Variants in EGFR observed in about 807,000 individuals in gnomAD.
The protein encoded by EGFR is epidermal growth factor receptor, also known as avian erythroblastic leukemia viral (v-erb-b) oncogene homolog.
EGFR carries 58 observed loss-of-function variants against 143.0 expected under a neutral mutation model. The observed-to-expected ratio is 0.41, with a 90% CI of 0.33 to 0.50. The LOEUF (loss-of-function observed/expected upper bound fraction) is 0.50, where lower values mean the gene tolerates loss of function less well. EGFR is among the 20% of genes least tolerant of loss of function. EGFR has a pLI of 0.39. For synonymous variants in EGFR, 613 were observed against 594.4 expected (o/e 1.03, Z -0.45); for missense variants, 1,307 against 1,579.0 (o/e 0.83, Z 2.92).
At chr7:55,066,975 C>T (rs1310270247) in intron 1 of EGFR, among the ~76,000 whole-genome samples, 2 of 152,188 alleles carry the variant, frequency 1.3e-5, no homozygotes, top group South Asian at 2.1e-4. Context: ...GGGAGGCAGG[C>T]GTCCTTGCCA....
chr7:55,107,044 C>T (rs1241141627), intron 1 of EGFR, among the ~76,000 whole-genome samples: 1 of 152,112 alleles, frequency 6.6e-6, no homozygotes, highest in Non-Finnish European at 1.5e-5. Flanking sequence ...GTTTGTTTTG[C>T]CCATAAATAA....
chr7:55,174,069 G>C (rs2128953839), intron 18 of EGFR, 26 bp downstream of exon 18: 2 of 1,614,074 alleles, frequency 1.2e-6, no homozygotes, highest in South Asian at 2.2e-5. Context: ...CAGGCCTCTG[G>C]GCTGGGCCGC....
At chr7:55,054,851 AG>A (rs1343694532) in intron 1 of EGFR, among the ~76,000 whole-genome samples, 4 of 152,196 alleles carry the variant, frequency 2.6e-5, no homozygotes, top group Non-Finnish European at 5.9e-5. Context: ...TTGTGGCTAC[AG>A]GTCCCCGTGA....
intron 1 of EGFR, among the ~76,000 whole-genome samples, chr7:55,064,394 G>A (rs1200877946): frequency 6.6e-6 from 1 of 152,188 alleles, no homozygotes; most frequent in Non-Finnish European, 1.5e-5. Flanking sequence ...TCTCAGAGCA[G>A]CTTGTGTTGC....
rs2128942934 is a variant in EGFR, at chr7:55,161,581, G to A, written c.1581G>A (p.Arg527=). The change falls in exon 13 of 28, where the codon CGG becomes CGA. Residue 527 remains arginine, a synonymous_variant. Transcript: ENST00000275493. The part of the protein sequence containing the change: ...GPEPRDCVSC[R]NVSRGRECVD... Reference sequence around the variant, plus strand: ...AGCCCAGGGACTGCGTCTCTTGCCGGAATGTCAGCCGAGGCAGGGAATGCG... The same window carrying A: ...AGCCCAGGGACTGCGTCTCTTGCCGAAATGTCAGCCGAGGCAGGGAATGCG... 1 of 1,614,288 alleles carries A rather than the reference G, an allele frequency of 6.2e-7. No homozygotes were observed. The highest frequency in any genetic ancestry group is 8.5e-7 in the Non-Finnish European group (1 of 1,180,048).
intron 1 of EGFR, among the ~76,000 whole-genome samples, chr7:55,107,904 A>C (rs761433262): frequency 6.6e-6 from 1 of 152,256 alleles, no homozygotes; most frequent in Non-Finnish European, 1.5e-5. Context: ...AAATGGTACT[A>C]TACTATGTAT....
intron 15 of EGFR, among the ~76,000 whole-genome samples, chr7:55,167,784 C>T (rs187450500): frequency 4.3e-4 from 66 of 152,246 alleles, no homozygotes; most frequent in African/African-American, 1.5e-3. Context: ...TCTAGGAAAA[C>T]AATCATATAA....
chr7:55,179,214 T>C (rs1235326480), intron 19 of EGFR, among the ~76,000 whole-genome samples: 1 of 152,242 alleles, frequency 6.6e-6, no homozygotes, highest in African/African-American at 2.4e-5. Flanking sequence ...GTACAGATTA[T>C]GATGACTGCC....
At chr7:55,173,193 A>G (rs2128952872) in intron 17 of EGFR, 69 bp downstream of exon 17, 1 of 1,590,234 alleles carries the variant, frequency 6.3e-7, no homozygotes, top group Non-Finnish European at 8.5e-7. Context: ...AGCCCCGAGA[A>G]CGGGCCATTA....
At chr7:55,154,189 C>T (rs371133904) in intron 7 of EGFR, 37 bp downstream of exon 7, 56 of 1,613,998 alleles carry the variant, frequency 3.5e-5, no homozygotes, top group Non-Finnish European at 4.6e-5. Flanking sequence ...ACTGGTCAGG[C>T]ATCCTTGTCC....
chr7:55,203,514 C>T (rs1215829718), intron 27 of EGFR, among the ~76,000 whole-genome samples: 1 of 148,426 alleles, frequency 6.7e-6, no homozygotes, highest in South Asian at 2.2e-4. Context: ...ACTACACACA[C>T]CATTACATAC....
At chr7:55,156,692 AAAAC>A in intron 9 of EGFR, 33 bp downstream of exon 9, 1 of 1,614,238 alleles carries the variant, frequency 6.2e-7, no homozygotes, top group Non-Finnish European at 8.5e-7. Context: ...TGTATAAAGA[AAAAC>A]AAAATCTGCC....
intron 15 of EGFR, among the ~76,000 whole-genome samples, chr7:55,167,216 T>G (rs1407861704): frequency 1.2e-5 from 1 of 81,534 alleles, no homozygotes; most frequent in Admixed American, 1.3e-4. Context: ...CACAATGGTG[T>G]CGGTGGTGAT....
At chr7:55,143,902 G>C (rs1209992985) in intron 3 of EGFR, among the ~76,000 whole-genome samples, 1 of 152,144 alleles carries the variant, frequency 6.6e-6, no homozygotes, top group East Asian at 1.9e-4. Flanking sequence ...GGACAGTTTC[G>C]AGAGTCGCGC....
chr7:55,100,780 C>T (rs1202522406), intron 1 of EGFR, among the ~76,000 whole-genome samples: 1 of 152,244 alleles, frequency 6.6e-6, no homozygotes, highest in African/African-American at 2.4e-5. Context: ...GCTGCCAAGC[C>T]TCACGTCACA....
Position 55,191,855 on chromosome 7 carries a change from A to G in EGFR, c.2606A>G (p.Tyr869Cys), listed in dbSNP as rs1440961719. ...CTGCTGGGTGCGGAAGAGAAAGAAT[A>G]CCATGCAGAAGGAGGCAAAGTAAGG... ...AKLLGAEEKE[Y>C]HAEGGKVPIK... is the part of the protein sequence containing the mutation. Residue 869 changes from tyrosine to cysteine, a missense_variant, in exon 21 of 28, where the codon TAC (tyrosine) becomes TGC (cysteine). Transcript: ENST00000275493. The G allele has an allele frequency of 6.2e-7, 1 of 1,613,830 alleles. No individual in the cohort carries two copies. Among genetic ancestry groups the G allele is most frequent in the East Asian group, 2.2e-5 (1 of 44,864 alleles).
intron 6 of EGFR, among the ~76,000 whole-genome samples, chr7:55,153,387 A>G (rs1351448004): frequency 6.6e-6 from 1 of 152,196 alleles, no homozygotes; most frequent in African/African-American, 2.4e-5. Context: ...AGCTGGTGTG[A>G]CGAAGCCCTT....
intron 3 of EGFR, among the ~76,000 whole-genome samples, chr7:55,145,632 A>G (rs973838266): frequency 3.9e-5 from 6 of 152,230 alleles, no homozygotes; most frequent in African/African-American, 1.4e-4. Flanking sequence ...CTGTACACAC[A>G]ACATGCCCAT....
chr7:55,191,327 C>T (rs1215288514), intron 20 of EGFR, among the ~76,000 whole-genome samples: 1 of 152,100 alleles, frequency 6.6e-6, no homozygotes, highest in East Asian at 1.9e-4. Flanking sequence ...TTCCTTTGCA[C>T]CAGCTTGGTG....
Sources: allele counts gnomAD v4.1 joint callset (sites outside exome capture counted in the v4.1 genomes callset), GRCh38; gene constraint gnomAD v4.1.1; transcripts MANE v1.5; gene names NCBI Gene and HGNC (gene_info 2026-07-23, HGNC 2026-07-21).